The following NECAB2 variants were observed in gnomAD, a reference collection of about 807,000 sequenced individuals.
NECAB2 encodes the protein N-terminal EF-hand calcium binding protein 2, also known as N-terminal EF-hand calcium-binding protein 2.
In NECAB2, 68 loss-of-function variants were observed where a neutral mutation model predicts 51.9. That is an observed-to-expected ratio of 1.31 (90% CI 1.08 to 1.60). The LOEUF (loss-of-function observed/expected upper bound fraction) is 1.60. NECAB2 is among the 40% of genes most tolerant of loss of function. The pLI, the probability that NECAB2 is intolerant of heterozygous loss-of-function variation, is 0.00. For missense variants in NECAB2, 854 were observed against 490.3 expected (o/e 1.74, Z -7.00); for synonymous variants, 329 against 203.5 (o/e 1.62, Z -5.25).
At chr16:83,980,992 G>C (rs773825929) in intron 4 of NECAB2, 38 bp from the exon 5 acceptor site, 3 of 1,608,350 alleles carry the variant, frequency 1.9e-6, no homozygotes, top group South Asian at 1.1e-5. Context: ...GGGAGGGGCA[G>C]GACCTGTGAC....
intron 5 of NECAB2, among the ~76,000 whole-genome samples, chr16:83,984,324 A>G (rs772084012): frequency 7.9e-5 from 12 of 151,804 alleles, no homozygotes; most frequent in Admixed American, 6.6e-5. Context: ...TGCCCTGGGC[A>G]TAGTCGTTTT....
intron 1 of NECAB2, among the ~76,000 whole-genome samples, chr16:83,969,981 AGG>A (rs2084331154): frequency 6.6e-6 from 1 of 152,162 alleles, no homozygotes; most frequent in Admixed American, 6.5e-5. Context: ...CCACACTCGC[AGG>A]CACACATTCA....
In NECAB2 at chr16:83,968,258, G is replaced by A. The variant is rs574766480; in HGVS notation, c.-391G>A. Among the ~76,000 whole-genome samples the A allele has an allele frequency of 6.6e-6, 1 of 151,500 alleles. No homozygotes were observed. The highest frequency in any genetic ancestry group is 2.0e-4 in the East Asian group (1 of 5,066). ...CGCGCTTCGGCCTCTGCTGCGCGCC[G>A]CGAGTGGGAGGGGGGACTTTAGAAG... On this transcript the variant is annotated 5_prime_UTR_variant, in exon 1 of 13. Coordinates refer to ENST00000305202, the MANE Select transcript of NECAB2 (RefSeq NM_019065.3).
intron 10 of NECAB2, 122 bp downstream of exon 10, chr16:83,998,439 G>A (rs1567679038): frequency 1.1e-6 from 1 of 880,072 alleles, no homozygotes; most frequent in Non-Finnish European, 1.7e-6. Context: ...GACACACACA[G>A]CTGGATGCGT....
rs1279582718 is a variant in NECAB2, at chr16:84,002,690, C to T, written c.*344C>T. 5.5e-6 allele frequency: 2 copies of T among 365,854 alleles called. No individual in the cohort carries two copies. The highest frequency in any genetic ancestry group is 5.1e-6 in the Non-Finnish European group (1 of 194,766). 22.7% of individuals were successfully genotyped at this position (365,854 alleles called of 1,614,324 possible). A position where few individuals can be genotyped will look rare whatever the true frequency, so the allele number is the denominator to read the frequency against. On this transcript the variant is annotated 3_prime_UTR_variant, in exon 13 of 13. Transcript: ENST00000305202. Reference sequence around the variant, plus strand: ...GCCCTCTTCGGTGACATTCTTCTACCTAGTAGGAGTCATGCCCCTGTAGTG... The same window carrying T: ...GCCCTCTTCGGTGACATTCTTCTACTTAGTAGGAGTCATGCCCCTGTAGTG...
In NECAB2 at chr16:84,002,059, G is replaced by C. The variant is rs5012590; in HGVS notation, c.1132+143G>C. On this transcript the variant is annotated intron_variant, in intron 12 of 12. Transcript: ENST00000305202. Reference sequence around the variant, plus strand: ...TCCTGCCACCAATGCCAGGCTCAGAGCCAGCCCTGAGGTGGCCCCACATAC... The same window carrying C: ...TCCTGCCACCAATGCCAGGCTCAGACCCAGCCCTGAGGTGGCCCCACATAC... 4.6e-4 allele frequency: 513 copies of C among 1,104,168 alleles called. 6 individuals are homozygous for C. The African/African-American group carries it at 7.1e-3, about 15-fold the overall frequency. The allele number at this position is 1,104,168 out of a possible 1,614,324, so 68.4% of individuals were successfully genotyped here.
intron 8 of NECAB2, among the ~76,000 whole-genome samples, chr16:83,996,144 C>T (rs2084695275): frequency 6.6e-6 from 1 of 152,184 alleles, no homozygotes; most frequent in African/African-American, 2.4e-5. Flanking sequence ...GCTCTAGGGG[C>T]CCCTGGCTGG....
rs534382369 is a variant in NECAB2, at chr16:83,998,964, G to A, written c.962+647G>A. On this transcript the variant is annotated intron_variant, in intron 10 of 12. Coordinates refer to ENST00000305202, the MANE Select transcript of NECAB2 (RefSeq NM_019065.3). Reference sequence around the variant, plus strand: ...AGACAACAGCCCTTTGTTCTTGCTGGTAGTGGTCCCCCGCCCCCCGTTTCT... The same window carrying A: ...AGACAACAGCCCTTTGTTCTTGCTGATAGTGGTCCCCCGCCCCCCGTTTCT... Among the ~76,000 whole-genome samples, 62 of 152,264 alleles carry A rather than the reference G, an allele frequency of 4.1e-4. No homozygotes were observed. The South Asian group carries it at 0.01, about 25-fold the overall frequency.
At chr16:83,987,105 C>A (rs1191475356) in intron 5 of NECAB2, among the ~76,000 whole-genome samples, 1 of 152,088 alleles carries the variant, frequency 6.6e-6, no homozygotes, top group South Asian at 2.1e-4. Flanking sequence ...ATCCATCTTT[C>A]AAATAAATAA....
chr16:83,981,777 G>C (rs1360104989), intron 5 of NECAB2, among the ~76,000 whole-genome samples: 2 of 152,150 alleles, frequency 1.3e-5, no homozygotes, highest in Non-Finnish European at 2.9e-5. Context: ...TCATCCAGGA[G>C]CAGAGAGCAG....
chr16:83,992,379 C>G (rs547568154), intron 6 of NECAB2, among the ~76,000 whole-genome samples: 2,823 of 143,566 alleles, frequency 0.02, 100 homozygotes, highest in Non-Finnish European at 0.031. Context: ...AGCACCCGTC[C>G]CCCCGCCCAC....
intron 11 of NECAB2, 57 bp from the exon 12 acceptor site, chr16:84,001,767 GC>G: frequency 6.3e-7 from 1 of 1,578,184 alleles, no homozygotes; most frequent in Non-Finnish European, 8.7e-7. Context: ...TAACAGGGGA[GC>G]CACACGCGGA....
upstream of NECAB2, chr16:83,966,056 C>G (rs1194219905): frequency 7.4e-7 from 1 of 1,355,258 alleles, no homozygotes; most frequent in Admixed American, 2.6e-5. Flanking sequence ...ACAGAGATGA[C>G]CACATCCCTG....
intron 8 of NECAB2, among the ~76,000 whole-genome samples, chr16:83,996,023 C>T (rs576965284): frequency 6.6e-6 from 1 of 152,352 alleles, no homozygotes; most frequent in Non-Finnish European, 1.5e-5. Context: ...CCAGGTCCTC[C>T]TCCCCAGCCT....
At chr16:83,970,281 CAT>C (rs780656604) in intron 1 of NECAB2, among the ~76,000 whole-genome samples, 118 of 152,180 alleles carry the variant, frequency 7.8e-4, no homozygotes, top group Non-Finnish European at 1.4e-3. Context: ...CCATGTCACT[CAT>C]GTGTTCAGCA....
At chr16:83,965,375 G>A (rs1164509014), upstream of NECAB2, 2 of 1,573,730 alleles carry the variant, frequency 1.3e-6, no homozygotes, top group East Asian at 2.2e-5. Flanking sequence ...CATCCACCAT[G>A]AGCTGTCTGC....
At chr16:83,995,049 A>T (rs1188757310) in intron 8 of NECAB2, among the ~76,000 whole-genome samples, 1 of 152,200 alleles carries the variant, frequency 6.6e-6, no homozygotes, top group Non-Finnish European at 1.5e-5. Context: ...TATTGGCCGA[A>T]AGGCAGCACC....
intron 11 of NECAB2, among the ~76,000 whole-genome samples, 177 bp downstream of exon 11, chr16:84,000,978 T>TTG (rs1555550047): frequency 6.6e-6 from 1 of 151,678 alleles, no homozygotes; most frequent in Admixed American, 6.6e-5. Context: ...CAGGAGCTCT[T>TTG]GGTGGGTAGT....
intron 1 of NECAB2, 67 bp from the exon 2 acceptor site, chr16:83,972,084 G>C (rs1169546980): frequency 1.2e-5 from 20 of 1,601,058 alleles, no homozygotes; most frequent in Non-Finnish European, 1.6e-5. Flanking sequence ...CCAGTATCCG[G>C]TCAGAGGCTG....
Sources: gnomAD v4.1 joint callset for allele counts (sites outside exome capture counted in the v4.1 genomes callset) on GRCh38, gnomAD v4.1.1 for gene constraint, MANE v1.5 for transcripts, NCBI Gene and HGNC (gene_info 2026-07-23, HGNC 2026-07-21) for gene names.